Variants in EXT2 observed in about 807,000 individuals in gnomAD.
The protein encoded by EXT2 is exostosin-2.
A neutral mutation model predicts 81.6 loss-of-function variants in EXT2; 53 were observed. The ratio of observed to expected loss-of-function variants is 0.65; its 90% CI spans 0.52 to 0.82. The LOEUF (loss-of-function observed/expected upper bound fraction) is 0.82. Ranked by LOEUF, EXT2 falls within the 40% of genes least tolerant of loss-of-function variation. The probability of loss-of-function intolerance (pLI) is 0.00; values close to 1 mark genes in which losing one functional copy is unlikely to be tolerated. For missense variants in EXT2, 774 were observed against 910.2 expected (o/e 0.85, Z 1.93); for synonymous variants, 320 against 340.0 (o/e 0.94, Z 0.65).
At chr11:44,198,396 G>A (rs1416492330) in intron 9 of EXT2, among the ~76,000 whole-genome samples, 3 of 150,750 alleles carry the variant, frequency 2.0e-5, no homozygotes, top group South Asian at 2.1e-4. Context: ...AAAAAAAAAA[G>A]GGATGGCCTC....
chr11:44,232,097 C>A lies in EXT2; in HGVS notation c.1663-256C>A, dbSNP rs3824913. Among the ~76,000 whole-genome samples the A allele has an allele frequency of 4.9e-3, 752 of 152,242 alleles. 7 individuals carry two copies. The highest frequency in any genetic ancestry group is 0.043 in the East Asian group (223 of 5,184). On this transcript the variant is annotated intron_variant, in intron 10 of 13. Coordinates refer to ENST00000533608, the MANE Select transcript of EXT2 (RefSeq NM_207122.2). ...GCCTACCTTGGCCCAACTCAGTAAGCTATTACCCCCACATTAATTGAAATT... is the reference window on the plus strand; with the variant it reads ...GCCTACCTTGGCCCAACTCAGTAAGATATTACCCCCACATTAATTGAAATT...
chr11:44,193,530 A>T (rs1370862095), intron 8 of EXT2, among the ~76,000 whole-genome samples: 4 of 152,264 alleles, frequency 2.6e-5, no homozygotes, highest in Admixed American at 2.6e-4. Flanking sequence ...CAGGCTATGC[A>T]GCTGGCAAGT....
rs1307404186 is a variant in EXT2 at position 44,097,780 on chromosome 11, ATAAAT to A, written c.-31+1929_-31+1933del. On this transcript the variant is annotated intron_variant, in intron 1 of 13. Coordinates refer to ENST00000533608, the MANE Select transcript of EXT2 (RefSeq NM_207122.2). ...TCTCAAAAAATAAATAAATAAATAAATAAATAAATAAATAAATAAAATAAAAATAA... is the reference window on the plus strand; with the variant it reads ...TCTCAAAAAATAAATAAATAAATAAAAAATAAATAAATAAAATAAAAATAA... Among the ~76,000 whole-genome samples, 14 of 146,320 alleles carry A rather than the reference ATAAAT, an allele frequency of 9.6e-5. No individual in the cohort carries two copies. The East Asian group carries it at 1.4e-3, about 14-fold the overall frequency.
chr11:44,219,508 TTAAAAA>T (rs1227510545), intron 10 of EXT2, among the ~76,000 whole-genome samples: 3 of 152,018 alleles, frequency 2.0e-5, no homozygotes, highest in Non-Finnish European at 2.9e-5. Flanking sequence ...AAATAAATAA[TTAAAAA>T]TAAAAATGCA....
chr11:44,214,124 C>CT lies in EXT2; in HGVS notation c.1662+7174dup, dbSNP rs555767259. ...TTGTAACTTTCTTCTTCTTCTTCTTCTTTTTTTTTGAGACGGAGTCTCTCT... is the reference window on the plus strand; with the variant it reads ...TTGTAACTTTCTTCTTCTTCTTCTTCTTTTTTTTTTGAGACGGAGTCTCTCT... On this transcript the variant is annotated intron_variant, in intron 10 of 13. Transcript: ENST00000533608. 1.1e-3 allele frequency among the ~76,000 whole-genome samples: 144 copies of CT among 133,564 alleles called. 5 individuals carry two copies. In the South Asian group the frequency reaches 0.032, roughly 29 times the overall value. 87.6% of individuals were successfully genotyped at this position (133,564 alleles called of 152,430 possible). A position where few individuals can be genotyped will look rare whatever the true frequency, so the allele number is the denominator to read the frequency against.
intron 7 of EXT2, among the ~76,000 whole-genome samples, chr11:44,136,121 A>G (rs1380451998): frequency 6.6e-6 from 1 of 152,206 alleles, no homozygotes; most frequent in Non-Finnish European, 1.5e-5. Context: ...GTAAACCCTC[A>G]GATGTCTAGA....
rs1954469177 is a variant in EXT2, at chr11:44,130,066, A to C, written c.1101A>C (p.Glu367Asp). ...DWKRASVVVP[E>D]EKMSDVYSIL... is the part of the protein sequence containing the mutation. ...CCAGAGCATCTGTGGTTGTACCAGA[A>C]GAAAAGATGTCAGATGTGTACAGTA... The change falls in exon 7 of 14, where the codon GAA (glutamate) becomes GAC (aspartate). Residue 367 changes from glutamate (E) to aspartate (D), a missense_variant. By Grantham distance (45) the Glu-to-Asp change is conservative (BLOSUM62 2). Around this residue, in one of 2 missense-constraint regions of EXT2, gnomAD observed 626 missense variants for 670.5 expected, o/e 0.93. Transcript: ENST00000533608. 6.2e-7 allele frequency: 1 copy of C among 1,614,028 alleles called. No homozygotes were observed. The highest frequency in any genetic ancestry group is 8.5e-7 in the Non-Finnish European group (1 of 1,180,002).
At chr11:44,205,605 C>T (rs558083964) in intron 9 of EXT2, among the ~76,000 whole-genome samples, 4 of 152,316 alleles carry the variant, frequency 2.6e-5, no homozygotes, top group South Asian at 4.1e-4. Context: ...CTGGGAGTGC[C>T]CCCAACAATG....
At chr11:44,135,239 TG>T (rs950296747) in intron 7 of EXT2, among the ~76,000 whole-genome samples, 4 of 152,218 alleles carry the variant, frequency 2.6e-5, no homozygotes. Context: ...TTATCCTACT[TG>T]CATACAATTT....
At chr11:44,164,876 CTTT>C (rs372890914) in intron 7 of EXT2, among the ~76,000 whole-genome samples, 2 of 137,524 alleles carry the variant, frequency 1.5e-5, no homozygotes, top group African/African-American at 2.7e-5. Context: ...CTCATTCACA[CTTT>C]TTTTTTTTTT....
chr11:44,141,300 C>G (rs944048047), intron 7 of EXT2, among the ~76,000 whole-genome samples: 3 of 152,124 alleles, frequency 2.0e-5, no homozygotes, highest in Admixed American at 6.5e-5. Context: ...ATGTTCAGTA[C>G]AGGCACAGTT....
At chr11:44,145,823 G>T (rs1376120897) in intron 7 of EXT2, among the ~76,000 whole-genome samples, 1 of 152,166 alleles carries the variant, frequency 6.6e-6, no homozygotes, top group East Asian at 1.9e-4. Flanking sequence ...TAAAATATTT[G>T]TAAAATGCCT....
At chr11:44,167,690 C>T (rs1359593743) in intron 7 of EXT2, among the ~76,000 whole-genome samples, 4 of 148,164 alleles carry the variant, frequency 2.7e-5, no homozygotes, top group African/African-American at 9.9e-5. Flanking sequence ...AAATTGAGAC[C>T]AAATGACCAA....
chr11:44,101,045 T>C (rs979112957), intron 1 of EXT2, among the ~76,000 whole-genome samples: 2 of 152,140 alleles, frequency 1.3e-5, no homozygotes, highest in Non-Finnish European at 2.9e-5. Flanking sequence ...GGAAAGCAGT[T>C]CTTAAGGAGT....
At chr11:44,125,959 A>G (rs1954397176) in intron 5 of EXT2, among the ~76,000 whole-genome samples, 1 of 152,154 alleles carries the variant, frequency 6.6e-6, no homozygotes, top group South Asian at 2.1e-4. Context: ...ATTTATCCCC[A>G]GAGGTGTTTG....
intron 8 of EXT2, chr11:44,171,957 T>C (rs1407545882): frequency 1.6e-6 from 1 of 631,714 alleles, no homozygotes; most frequent in African/African-American, 1.8e-5. Context: ...GTGTTTTAAG[T>C]GCTTAGAAAG....
At chr11:44,148,340 A>T (rs922752604) in intron 7 of EXT2, among the ~76,000 whole-genome samples, 1 of 152,210 alleles carries the variant, frequency 6.6e-6, no homozygotes, top group African/African-American at 2.4e-5. Context: ...TCAGAGGTTA[A>T]ATTTCTCTCT....
At chr11:44,115,206 G>T (rs1954204604) in intron 4 of EXT2, among the ~76,000 whole-genome samples, 1 of 152,100 alleles carries the variant, frequency 6.6e-6, no homozygotes, top group South Asian at 2.1e-4. Context: ...GCTGAGGTTA[G>T]GTTTTTGTTT....
intron 8 of EXT2, among the ~76,000 whole-genome samples, chr11:44,192,186 C>T (rs1216619138): frequency 6.6e-6 from 1 of 152,100 alleles, no homozygotes; most frequent in Non-Finnish European, 1.5e-5. Flanking sequence ...TTGCACATGC[C>T]GCTCAGCTTG....
Sources: allele counts gnomAD v4.1 joint callset (sites outside exome capture counted in the v4.1 genomes callset), GRCh38; gene constraint gnomAD v4.1.1; regional missense constraint gnomAD v4.1.1; transcripts MANE v1.5; gene names NCBI Gene and HGNC (gene_info 2026-07-23, HGNC 2026-07-21).